Variants in TRAF3IP3 observed in about 807,000 individuals in gnomAD.
The protein encoded by TRAF3IP3 is TRAF3-interacting JNK-activating modulator.
In TRAF3IP3, 64 loss-of-function variants were observed where a neutral mutation model predicts 86.5. That is an observed-to-expected ratio of 0.74 (90% CI 0.60 to 0.91). TRAF3IP3 has a LOEUF of 0.91. Among genes scored for constraint, TRAF3IP3 ranks in the 40% least tolerant of loss-of-function variants. The probability of loss-of-function intolerance (pLI) is 0.00; values close to 1 mark genes in which losing one functional copy is unlikely to be tolerated. For missense variants in TRAF3IP3, 579 were observed against 642.9 expected, an observed-to-expected ratio of 0.90 and a Z score of 1.07; for synonymous variants, 220 against 243.9, an observed-to-expected ratio of 0.90 and a Z score of 0.91.
intron 1 of TRAF3IP3, among the ~76,000 whole-genome samples, chr1:209,757,245 G>A (rs568146026): frequency 1.3e-5 from 2 of 152,350 alleles, no homozygotes; most frequent in East Asian, 3.9e-4. Context: ...GCAGAGAGCA[G>A]AGCAGCTGTG....
chr1:209,760,067 C>T lies in TRAF3IP3; in HGVS notation c.28C>T (p.Pro10Ser), dbSNP rs2077218893. The change falls in exon 3 of 17, where the codon CCT becomes TCT. Residue 10 changes from proline to serine, a missense_variant. Pro to Ser is a moderately conservative substitution (Grantham distance 74, BLOSUM62 -1). Coordinates refer to ENST00000367025, the MANE Select transcript of TRAF3IP3 (RefSeq NM_025228.4). MISPDPRPS[P>S]GLARWAESYE... ...GATCAGCCCAGACCCCAGGCCCTCC[C>T]CTGGCTTGGCCCGGTGGGCTGAGAG... is the stretch of plus-strand genomic sequence containing the variant. The T allele has an allele frequency of 6.2e-7, 1 of 1,614,002 alleles. No homozygotes were observed. The highest frequency in any genetic ancestry group is 8.5e-7 in the Non-Finnish European group (1 of 1,179,924).
intron 8 of TRAF3IP3, among the ~76,000 whole-genome samples, chr1:209,767,145 C>T (rs2077372002): frequency 6.6e-6 from 1 of 152,134 alleles, no homozygotes; most frequent in African/African-American, 2.4e-5. Context: ...AACAAGGTAT[C>T]TCAAACTTGA....
chr1:209,774,657 G>C (rs542059046), intron 9 of TRAF3IP3, among the ~76,000 whole-genome samples: 1 of 152,350 alleles, frequency 6.6e-6, no homozygotes, highest in East Asian at 1.9e-4. Context: ...GTCTAGGCGT[G>C]TAAGAGGAGC....
intron 3 of TRAF3IP3, among the ~76,000 whole-genome samples, chr1:209,760,751 G>A (rs2077231779): frequency 6.6e-6 from 1 of 152,052 alleles, no homozygotes; most frequent in African/African-American, 2.4e-5. Flanking sequence ...TTTTGATAGA[G>A]ACAAGACCCT....
intron 4 of TRAF3IP3, 53 bp downstream of exon 4, chr1:209,762,715 A>G (rs2076152): frequency 0.18 from 218,341 of 1,206,450 alleles, 37,121 homozygotes; most frequent in African/African-American, 0.62. Flanking sequence ...TCCTGAGACA[A>G]CTGTCCCAGC....
In TRAF3IP3 at chr1:209,763,632, T is replaced by A. The variant is rs1214566429; in HGVS notation, c.702+45T>A. On this transcript the variant is annotated intron_variant, in intron 8 of 16. Transcript: ENST00000367025. ...TTTGAACAAAGCTTGGGCTTCTATG[T>A]GTTCCCATCTCATTTTTCTTTCCAC... is the stretch of plus-strand genomic sequence containing the variant. The A allele has an allele frequency of 4.1e-6, 6 of 1,468,398 alleles. No individual in the cohort carries two copies. In the African/African-American group the frequency reaches 7.1e-5, roughly 17 times the overall value. 91.0% of individuals were successfully genotyped at this position (1,468,398 alleles called of 1,614,324 possible). A position where few individuals can be genotyped will look rare whatever the true frequency, so the allele number is the denominator to read the frequency against.
chr1:209,780,550 G>C lies in TRAF3IP3; in HGVS notation c.1393G>C (p.Asp465His), dbSNP rs1267326759. Residue 465 changes from aspartate to histidine, a missense_variant, in exon 15 of 17, where the codon GAT (aspartate) becomes CAT (histidine). Physicochemically the swap from Asp to His is moderately conservative, Grantham distance 81. Transcript: ENST00000367025. ...GGGTACAGGGAAGGAGAAAGACTGG[G>C]ATCTCAGAGACCAGCTGCAAAAGAA... ...PEGTGKEKDW[D>H]LRDQLQKKTL... 1.9e-6 allele frequency: 3 copies of C among 1,601,582 alleles called. No homozygotes were observed. Among genetic ancestry groups the C allele is most frequent in the Admixed American group, 3.4e-5 (2 of 59,004 alleles).
At chr1:209,777,772 T>G in intron 12 of TRAF3IP3, 1 of 505,602 alleles carries the variant, frequency 2.0e-6, no homozygotes, top group East Asian at 3.3e-5. Flanking sequence ...CAGTCACATA[T>G]GTCAAGGCCA....
intron 8 of TRAF3IP3, among the ~76,000 whole-genome samples, chr1:209,767,203 T>C (rs1356146899): frequency 5.9e-5 from 9 of 152,210 alleles, no homozygotes; most frequent in Admixed American, 5.9e-4. Flanking sequence ...TGTATATATA[T>C]AAAATCAGAG....
intron 14 of TRAF3IP3, chr1:209,779,762 CT>C: frequency 1.9e-6 from 1 of 515,676 alleles, no homozygotes; most frequent in Non-Finnish European, 3.4e-6. Flanking sequence ...CCTAGAGAGT[CT>C]ACTGTCCATG....
At chr1:209,766,720 T>G (rs1175576403) in intron 8 of TRAF3IP3, among the ~76,000 whole-genome samples, 1 of 152,154 alleles carries the variant, frequency 6.6e-6, no homozygotes, top group African/African-American at 2.4e-5. Context: ...AAAAATTAGC[T>G]GAGCGTAATC....
At chr1:209,776,864 T>A (rs2077665429) in intron 11 of TRAF3IP3, 1 of 152,228 alleles carries the variant, frequency 6.6e-6, no homozygotes, top group South Asian at 2.1e-4. Context: ...ATATTCTAAT[T>A]TATGTACATG....
At chr1:209,760,782 A>T (rs2077232477) in intron 3 of TRAF3IP3, among the ~76,000 whole-genome samples, 1 of 152,052 alleles carries the variant, frequency 6.6e-6, no homozygotes, top group African/African-American at 2.4e-5. Context: ...AAAACTTTAC[A>T]AACTAACCAG....
chr1:209,773,091 T>C (rs2077580096), intron 9 of TRAF3IP3, 72 bp downstream of exon 9: 20 of 1,350,550 alleles, frequency 1.5e-5, no homozygotes, highest in Non-Finnish European at 1.9e-5. Flanking sequence ...TGAACCTCAA[T>C]CTTACTTTCG....
chr1:209,779,016 C>T, intron 13 of TRAF3IP3: 2 of 421,288 alleles, frequency 4.7e-6, no homozygotes, highest in Non-Finnish European at 4.3e-6. Context: ...TTGTCTTTCC[C>T]ATGAACATAT....
At chr1:209,775,814 A>AATGATAC in intron 11 of TRAF3IP3, 78 bp downstream of exon 11, 3 of 1,420,426 alleles carry the variant, frequency 2.1e-6, no homozygotes, top group Admixed American at 2.3e-5. Flanking sequence ...GTTCTGGATT[A>AATGATAC]GGGACTCCAA....
intron 8 of TRAF3IP3, chr1:209,768,753 G>GC (rs1293542527): frequency 1.1e-6 from 1 of 944,408 alleles, no homozygotes; most frequent in Non-Finnish European, 1.3e-6. Context: ...TAGAATGTCA[G>GC]CAGTAGGCCT....
chr1:209,782,236 T>G lies in TRAF3IP3; in HGVS notation c.*88T>G. 1 of 1,011,184 alleles carries G rather than the reference T, an allele frequency of 9.9e-7. No homozygotes were observed. The allele number at this position is 1,011,184 out of a possible 1,614,324, so 62.6% of individuals were successfully genotyped here. ...AGGTTTGGGTACATTACAGCTTGGG[T>G]TTTCCAACTGACTTAGGATTTCTGA... On this transcript the variant is annotated 3_prime_UTR_variant, in exon 17 of 17. Coordinates refer to ENST00000367025, the MANE Select transcript of TRAF3IP3 (RefSeq NM_025228.4).
rs757143610 is a variant in TRAF3IP3, at chr1:209,775,662, G to A, written c.979G>A (p.Glu327Lys). The A allele has an allele frequency of 1.9e-6, 3 of 1,614,180 alleles. No individual in the cohort carries two copies. ...GAGGAGCCAGTATGAGGCTCTGAAG[G>A]AGGACTGGAGGACCCTTGGGACCCA... ...EWRSQYEALK[E>K]DWRTLGTQHR... Residue 327 changes from glutamate to lysine, a missense_variant, in exon 11 of 17, where the codon GAG becomes AAG. Glu to Lys is a moderately conservative substitution (Grantham distance 56). Coordinates refer to ENST00000367025, the MANE Select transcript of TRAF3IP3 (RefSeq NM_025228.4).
Sources: gnomAD v4.1 joint callset for allele counts (sites outside exome capture counted in the v4.1 genomes callset) on GRCh38, gnomAD v4.1.1 for gene constraint, MANE v1.5 for transcripts, NCBI Gene and HGNC (gene_info 2026-07-23, HGNC 2026-07-21) for gene names.